Variants in PLPPR5 observed in about 807,000 individuals in gnomAD.
The protein encoded by PLPPR5 is phospholipid phosphatase-related protein type 5.
PLPPR5 carries 16 observed loss-of-function variants against 33.9 expected under a neutral mutation model. The observed-to-expected ratio is 0.47, with a 90% CI of 0.32 to 0.72. PLPPR5 has a LOEUF of 0.72. PLPPR5 is among the 30% of genes least tolerant of loss of function. PLPPR5 has a pLI of 0.03. For synonymous variants in PLPPR5, 163 were observed against 150.3 expected, an observed-to-expected ratio of 1.08 and a Z score of -0.62; for missense variants, 301 against 406.7, an observed-to-expected ratio of 0.74 and a Z score of 2.23.
intron 5 of PLPPR5, among the ~76,000 whole-genome samples, chr1:98,899,170 T>C (rs137937256): frequency 9.7e-4 from 148 of 152,216 alleles, no homozygotes; most frequent in African/African-American, 3.3e-3. Flanking sequence ...TGGATGATTG[T>C]AATGTAGAGC....
chr1:99,002,320 A>G (rs1162259143), intron 1 of PLPPR5, among the ~76,000 whole-genome samples: 1 of 152,254 alleles, frequency 6.6e-6, no homozygotes, highest in Non-Finnish European at 1.5e-5. Flanking sequence ...TTCTGACTTC[A>G]GAAAAATCTA....
chr1:98,892,803 T>C lies in PLPPR5; in HGVS notation c.*269A>G. On this transcript the variant is annotated 3_prime_UTR_variant, in exon 6 of 6. Coordinates refer to ENST00000263177, the MANE Select transcript of PLPPR5 (RefSeq NM_001037317.2). ...GTGAATGTTTTATTTAAGAATTTTG[T>C]TCATTTGGTCATCACATTTTTGTTG... 2.9e-6 allele frequency: 1 copy of C among 341,568 alleles called. No individual in the cohort carries two copies. Among genetic ancestry groups the C allele is most frequent in the Non-Finnish European group, 5.2e-6 (1 of 190,542 alleles). 21.2% of individuals were successfully genotyped at this position (341,568 alleles called of 1,614,324 possible).
chr1:98,926,764 C>A (rs968018234), intron 3 of PLPPR5, among the ~76,000 whole-genome samples: 4 of 152,188 alleles, frequency 2.6e-5, no homozygotes, highest in African/African-American at 9.7e-5. Context: ...AATAACAAGA[C>A]AGCATCAAGG....
At chr1:98,933,902 C>A (rs1650079165) in intron 3 of PLPPR5, among the ~76,000 whole-genome samples, 1 of 152,184 alleles carries the variant, frequency 6.6e-6, no homozygotes, top group Admixed American at 6.5e-5. Context: ...GGTGGGAAAA[C>A]TAGCTTGGCC....
chr1:98,939,386 A>C (rs189947525), intron 3 of PLPPR5, among the ~76,000 whole-genome samples: 2 of 151,166 alleles, frequency 1.3e-5, no homozygotes, highest in Non-Finnish European at 3.0e-5. Context: ...AAGATGAGAT[A>C]AAGCCTTAAA....
chr1:98,902,183 C>T (rs893992648), intron 5 of PLPPR5, among the ~76,000 whole-genome samples: 3 of 152,124 alleles, frequency 2.0e-5, no homozygotes, highest in Non-Finnish European at 4.4e-5. Context: ...ATTCCAAGCA[C>T]ATATTAAGCT....
At chr1:98,938,456 G>T (rs1175522318) in intron 3 of PLPPR5, among the ~76,000 whole-genome samples, 1 of 148,412 alleles carries the variant, frequency 6.7e-6, no homozygotes, top group East Asian at 1.9e-4. Flanking sequence ...TTTTTACTGG[G>T]TAAGTGCAAA....
At chr1:98,905,587 T>G (rs1267063308) in intron 5 of PLPPR5, among the ~76,000 whole-genome samples, 1 of 152,152 alleles carries the variant, frequency 6.6e-6, no homozygotes, top group Non-Finnish European at 1.5e-5. Context: ...TATCTAGAAT[T>G]TGTCTCATTT....
intron 1 of PLPPR5, among the ~76,000 whole-genome samples, chr1:98,981,330 C>T (rs569106101): frequency 2.0e-5 from 3 of 152,056 alleles, no homozygotes; most frequent in Non-Finnish European, 4.4e-5. Flanking sequence ...ATGTTCTGAA[C>T]CTAGCTACCT....
At chr1:98,975,800 G>A (rs930734119) in intron 1 of PLPPR5, among the ~76,000 whole-genome samples, 1 of 151,888 alleles carries the variant, frequency 6.6e-6, no homozygotes, top group Non-Finnish European at 1.5e-5. Context: ...GAACCAACAA[G>A]GAATAAATAA....
chr1:98,954,484 A>G (rs967275948), intron 2 of PLPPR5, among the ~76,000 whole-genome samples: 5 of 152,108 alleles, frequency 3.3e-5, no homozygotes, highest in Non-Finnish European at 5.9e-5. Flanking sequence ...GTTGTATAGT[A>G]TATCACCATA....
At chr1:98,941,230 T>G (rs755984174) in intron 3 of PLPPR5, among the ~76,000 whole-genome samples, 31 of 151,814 alleles carry the variant, frequency 2.0e-4, no homozygotes, top group Non-Finnish European at 3.1e-4. Flanking sequence ...GAAAAGCAAA[T>G]TTGAAGAATA....
chr1:98,922,482 G>C (rs1649600682), intron 3 of PLPPR5, among the ~76,000 whole-genome samples: 1 of 151,998 alleles, frequency 6.6e-6, no homozygotes, highest in South Asian at 2.1e-4. Flanking sequence ...ATTTGTGTAT[G>C]CCATATTTAG....
At chr1:98,900,451 A>C (rs1370801423) in intron 5 of PLPPR5, among the ~76,000 whole-genome samples, 4 of 152,122 alleles carry the variant, frequency 2.6e-5, no homozygotes, top group Admixed American at 2.0e-4. Flanking sequence ...TATGGTTACA[A>C]AATTCTCTCT....
intron 1 of PLPPR5, among the ~76,000 whole-genome samples, chr1:98,965,011 T>TCA (rs1478978922): frequency 6.7e-6 from 1 of 148,300 alleles, no homozygotes; most frequent in African/African-American, 2.5e-5. Context: ...TGGGATTTCA[T>TCA]CATGTTGCCC....
intron 1 of PLPPR5, among the ~76,000 whole-genome samples, chr1:98,988,100 G>C (rs535738072): frequency 2.0e-5 from 3 of 152,102 alleles, no homozygotes; most frequent in South Asian, 2.1e-4. Flanking sequence ...ACTTTGACTG[G>C]AATGTGGTAT....
chr1:98,900,372 A>C (rs1163485103), intron 5 of PLPPR5, among the ~76,000 whole-genome samples: 1 of 152,092 alleles, frequency 6.6e-6, no homozygotes, highest in East Asian at 1.9e-4. Context: ...ATGACGTTTC[A>C]AGCATTGCTA....
intron 1 of PLPPR5, among the ~76,000 whole-genome samples, chr1:98,985,443 A>C (rs761354298): frequency 6.6e-6 from 1 of 152,064 alleles, no homozygotes. Context: ...ATATTATACC[A>C]TCATAACATT....
chr1:98,997,170 T>G (rs2100765660), intron 1 of PLPPR5, among the ~76,000 whole-genome samples: 1 of 152,312 alleles, frequency 6.6e-6, no homozygotes, highest in South Asian at 2.1e-4. Context: ...CTATCACTTA[T>G]CAAGCACTTA....
Sources: gnomAD v4.1 joint callset for allele counts (sites outside exome capture counted in the v4.1 genomes callset) on GRCh38, gnomAD v4.1.1 for gene constraint, MANE v1.5 for transcripts, NCBI Gene and HGNC (gene_info 2026-07-23, HGNC 2026-07-21) for gene names.